Variants in CNBD1 observed in about 807,000 individuals in gnomAD.
CNBD1 encodes the protein cyclic nucleotide-binding domain-containing protein 1.
A neutral mutation model predicts 54.4 loss-of-function variants in CNBD1; 71 were observed. The observed-to-expected ratio is 1.30, with a 90% CI of 1.08 to 1.59. The LOEUF (loss-of-function observed/expected upper bound fraction) is 1.59, where lower values mean the gene tolerates loss of function less well. Ranked by LOEUF, CNBD1 falls within the 40% of genes most tolerant of loss-of-function variation. The pLI is 0.00. For synonymous variants in CNBD1, 182 were observed against 170.7 expected, an observed-to-expected ratio of 1.07 and a Z score of -0.51; for missense variants, 659 against 518.0, an observed-to-expected ratio of 1.27 and a Z score of -2.64.
intron 3 of CNBD1, among the ~76,000 whole-genome samples, chr8:86,915,707 G>T (rs1809173080): frequency 6.6e-6 from 1 of 152,134 alleles, no homozygotes; most frequent in Non-Finnish European, 1.5e-5. Context: ...GAACTCTTTG[G>T]AAATTCAGAT....
chr8:87,241,485 G>A (rs1807706471), intron 6 of CNBD1, among the ~76,000 whole-genome samples: 1 of 152,084 alleles, frequency 6.6e-6, no homozygotes, highest in African/African-American at 2.4e-5. Context: ...TGTTAGCCAG[G>A]ATCGTCTTGA....
At chr8:87,119,276 T>G (rs1284197765) in intron 4 of CNBD1, among the ~76,000 whole-genome samples, 3 of 152,046 alleles carry the variant, frequency 2.0e-5, no homozygotes, top group Non-Finnish European at 4.4e-5. Context: ...TTTTCTGTAG[T>G]TTTTCTTGTA....
chr8:87,331,601 T>C (rs1438427850), intron 8 of CNBD1, among the ~76,000 whole-genome samples: 3 of 152,226 alleles, frequency 2.0e-5, no homozygotes, highest in African/African-American at 7.2e-5. Context: ...CTGGATCAAA[T>C]GATATTTCTA....
At chr8:87,327,004 G>T (rs1289403619) in intron 8 of CNBD1, among the ~76,000 whole-genome samples, 3 of 148,800 alleles carry the variant, frequency 2.0e-5, no homozygotes, top group Admixed American at 6.7e-5. Flanking sequence ...CTTTCTGTTT[G>T]TTAGTTTTCC....
At chr8:87,311,667 T>A (rs1219266385) in intron 8 of CNBD1, among the ~76,000 whole-genome samples, 2 of 152,118 alleles carry the variant, frequency 1.3e-5, no homozygotes, top group East Asian at 1.9e-4. Flanking sequence ...GCAGTACTAT[T>A]CACAATAGCA....
In CNBD1 at chr8:87,125,125, G is replaced by A. The variant is rs541171569; in HGVS notation, c.432-80868G>A. ...AGTCCTGTACAACAAAAACACTGAC[G>A]AAAAAGTTAAAGAAGACACAAATAA... On this transcript the variant is annotated intron_variant, in intron 4 of 10. Coordinates refer to ENST00000518476, the MANE Select transcript of CNBD1 (RefSeq NM_173538.3). Among the ~76,000 whole-genome samples the A allele has an allele frequency of 5.3e-5, 8 of 151,604 alleles. No individual in the cohort carries two copies. In the South Asian group the frequency reaches 1.0e-3, roughly 20 times the overall value.
downstream of CNBD1, among the ~76,000 whole-genome samples, chr8:87,387,088 A>C (rs957008537): frequency 1.3e-5 from 2 of 152,346 alleles, no homozygotes; most frequent in East Asian, 1.9e-4. Flanking sequence ...GCCTGCCCTA[A>C]AAGAGCTCCT....
chr8:87,390,648 ATAAAC>A (rs1177456066), intron 2 of CNBD1, among the ~76,000 whole-genome samples: 1 of 152,090 alleles, frequency 6.6e-6, no homozygotes, highest in Non-Finnish European at 1.5e-5. Flanking sequence ...TGGTGGGACT[ATAAAC>A]TAGTTCAACC....
At chr8:87,207,505 G>T (rs1814001733) in intron 5 of CNBD1, among the ~76,000 whole-genome samples, 1 of 151,760 alleles carries the variant, frequency 6.6e-6, no homozygotes, top group South Asian at 2.1e-4. Flanking sequence ...AACTATACAA[G>T]TGGGTCCAGA....
At chr8:86,987,851 CT>C (rs1216206112) in intron 4 of CNBD1, among the ~76,000 whole-genome samples, 1 of 152,136 alleles carries the variant, frequency 6.6e-6, no homozygotes, top group East Asian at 1.9e-4. Context: ...AGCCTACTTA[CT>C]TGATCATGGT....
chr8:87,240,147 A>G (rs1170263611), intron 6 of CNBD1, among the ~76,000 whole-genome samples: 2 of 151,900 alleles, frequency 1.3e-5, no homozygotes, highest in African/African-American at 4.8e-5. Flanking sequence ...ATATACTTCT[A>G]TATTCAACAT....
At chr8:87,293,213 C>A (rs1808817556) in intron 8 of CNBD1, among the ~76,000 whole-genome samples, 1 of 151,994 alleles carries the variant, frequency 6.6e-6, no homozygotes, top group Non-Finnish European at 1.5e-5. Flanking sequence ...ATGCTAGTTG[C>A]TTTTGTTGTG....
At chr8:87,256,002 T>C (rs1808006168) in intron 6 of CNBD1, among the ~76,000 whole-genome samples, 1 of 17,752 alleles carries the variant, frequency 5.6e-5, no homozygotes, top group Non-Finnish European at 9.9e-5. Context: ...TATATATATA[T>C]ATATATATAT....
chr8:87,226,358 G>A (rs1440966970), intron 5 of CNBD1, among the ~76,000 whole-genome samples: 3 of 150,508 alleles, frequency 2.0e-5, no homozygotes, highest in Admixed American at 2.0e-4. Flanking sequence ...GATCTTTCCT[G>A]CTTTCTCTTG....
chr8:86,976,523 T>G (rs558512207), intron 4 of CNBD1, among the ~76,000 whole-genome samples: 1 of 152,024 alleles, frequency 6.6e-6, no homozygotes, highest in African/African-American at 2.4e-5. Context: ...TTGGAGATCT[T>G]TTGTAATTCC....
intron 4 of CNBD1, among the ~76,000 whole-genome samples, chr8:87,037,247 G>C (rs922905370): frequency 6.6e-6 from 1 of 151,922 alleles, no homozygotes; most frequent in South Asian, 2.1e-4. Flanking sequence ...TTTAAAAAAC[G>C]GTATTTATTC....
chr8:87,248,553 C>T (rs934495740), intron 6 of CNBD1, among the ~76,000 whole-genome samples: 3 of 152,104 alleles, frequency 2.0e-5, no homozygotes, highest in South Asian at 2.1e-4. Flanking sequence ...GGCGCTTGAT[C>T]GCCATGTGGA....
intron 4 of CNBD1, among the ~76,000 whole-genome samples, chr8:87,160,167 A>G (rs1812825714): frequency 6.6e-6 from 1 of 152,180 alleles, no homozygotes; most frequent in East Asian, 1.9e-4. Context: ...TTTTATGGAA[A>G]TAGTATTGTG....
At chr8:87,213,230 TCATA>T (rs57140164) in intron 5 of CNBD1, among the ~76,000 whole-genome samples, 6,619 of 152,270 alleles carry the variant, frequency 0.043, 415 homozygotes, top group African/African-American at 0.14. Context: ...AAGTTGGAAC[TCATA>T]CATTTGTCTT....
Sources: allele counts gnomAD v4.1 joint callset (sites outside exome capture counted in the v4.1 genomes callset), GRCh38; gene constraint gnomAD v4.1.1; transcripts MANE v1.5; gene names NCBI Gene and HGNC (gene_info 2026-07-23, HGNC 2026-07-21).